Variants in MIS18A observed in about 807,000 individuals in gnomAD.
The protein encoded by MIS18A is MIS18 kinetochore protein A, also known as protein Mis18-alpha.
Under a neutral mutation model 25.0 loss-of-function variants are expected in MIS18A, and 14 were observed. The ratio of observed to expected loss-of-function variants is 0.56; its 90% CI spans 0.37 to 0.88. The LOEUF is 0.88. Ranked by LOEUF, MIS18A falls within the 40% of genes least tolerant of loss-of-function variation. The probability of loss-of-function intolerance (pLI) is 0.00; values close to 1 mark genes in which losing one functional copy is unlikely to be tolerated. For missense variants in MIS18A, 292 were observed against 290.8 expected, an observed-to-expected ratio of 1.00 and a Z score of -0.03; for synonymous variants, 134 against 118.6, an observed-to-expected ratio of 1.13 and a Z score of -0.84.
intron 2 of MIS18A, among the ~76,000 whole-genome samples, chr21:32,273,668 T>C (rs73901368): frequency 0.017 from 2,580 of 152,218 alleles, 60 homozygotes; most frequent in African/African-American, 0.057. Context: ...CCTAATGTGA[T>C]GGTATTGGGA....
At chr21:32,200,663 C>T in the MIS18A span, among the ~76,000 whole-genome samples, 3,979 of 152,076 alleles carry the variant, frequency 0.026, 80 homozygotes, top group Non-Finnish European at 0.04. Flanking sequence ...TGGTCTCGAT[C>T]TCCTGACCTC....
the MIS18A span, among the ~76,000 whole-genome samples, chr21:32,198,906 TA>T: frequency 0.081 from 10,664 of 131,746 alleles, 494 homozygotes; most frequent in South Asian, 0.18. Flanking sequence ...AGGCTCTGTC[TA>T]AAAAAAAAAA....
chr21:32,174,068 G>A, the MIS18A span, among the ~76,000 whole-genome samples: 68 of 142,062 alleles, frequency 4.8e-4, no homozygotes, highest in Non-Finnish European at 5.4e-4. Flanking sequence ...GGGTTCAAGC[G>A]ATTCTCCTAC....
At chr21:32,176,500 A>T in the MIS18A span, among the ~76,000 whole-genome samples, 1 of 152,238 alleles carries the variant, frequency 6.6e-6, no homozygotes, top group Non-Finnish European at 1.5e-5. Context: ...TGTTTAATTT[A>T]AAAAATTCCA....
intron 1 of MIS18A, among the ~76,000 whole-genome samples, chr21:32,275,470 AAAGT>A (rs1197162924): frequency 6.6e-6 from 1 of 152,110 alleles, no homozygotes; most frequent in Non-Finnish European, 1.5e-5. Context: ...CATTTCTCTA[AAAGT>A]AACTGAGAGG....
the MIS18A span, among the ~76,000 whole-genome samples, chr21:32,222,763 T>C: frequency 2.7e-5 from 4 of 150,888 alleles, no homozygotes; most frequent in Non-Finnish European, 5.9e-5. Flanking sequence ...AACCTGTCTC[T>C]AATAAAAATA....
At chr21:32,165,384 A>G in the MIS18A span, among the ~76,000 whole-genome samples, 3 of 151,814 alleles carry the variant, frequency 2.0e-5, no homozygotes, top group African/African-American at 7.2e-5. Context: ...TCAAAACTCA[A>G]TGTCATGAGT....
At chr21:32,167,504 T>C in the MIS18A span, among the ~76,000 whole-genome samples, 2 of 152,302 alleles carry the variant, frequency 1.3e-5, no homozygotes, top group East Asian at 1.9e-4. Context: ...ATGAGGTTAA[T>C]AGTAGATTAA....
chr21:32,192,623 C>A, the MIS18A span, among the ~76,000 whole-genome samples: 3 of 152,232 alleles, frequency 2.0e-5, no homozygotes, highest in Non-Finnish European at 4.4e-5. Flanking sequence ...CCTGACCCTG[C>A]CCTCCAAGAG....
the MIS18A span, among the ~76,000 whole-genome samples, chr21:32,196,350 C>T: frequency 6.6e-6 from 1 of 152,310 alleles, no homozygotes; most frequent in Non-Finnish European, 1.5e-5. Context: ...ACACCATCAG[C>T]TCTACCACCT....
At chr21:32,242,400 A>C in the MIS18A span, among the ~76,000 whole-genome samples, 1 of 151,910 alleles carries the variant, frequency 6.6e-6, no homozygotes, top group Non-Finnish European at 1.5e-5. Context: ...AATATACATC[A>C]TTTTTTTCAT....
the MIS18A span, among the ~76,000 whole-genome samples, chr21:32,253,658 C>T: frequency 5.3e-4 from 80 of 152,170 alleles, no homozygotes; most frequent in African/African-American, 1.9e-3. Flanking sequence ...GCAAGGGTTA[C>T]TTCCCCCTCC....
the MIS18A span, among the ~76,000 whole-genome samples, chr21:32,222,603 C>A: frequency 7.2e-5 from 11 of 152,262 alleles, no homozygotes; most frequent in East Asian, 2.1e-3. Flanking sequence ...TCTCAGACCA[C>A]AGTGCAATCA....
At chr21:32,243,165 G>A in the MIS18A span, among the ~76,000 whole-genome samples, 1 of 152,114 alleles carries the variant, frequency 6.6e-6, no homozygotes, top group Non-Finnish European at 1.5e-5. Context: ...GCAAACACAG[G>A]AGAAAATCTT....
chr21:32,174,936 G>A, the MIS18A span, among the ~76,000 whole-genome samples: 1 of 152,146 alleles, frequency 6.6e-6, no homozygotes, highest in East Asian at 1.9e-4. Context: ...TAAACACTAT[G>A]GAATTAAGCT....
At chr21:32,210,006 C>G in the MIS18A span, among the ~76,000 whole-genome samples, 1 of 152,170 alleles carries the variant, frequency 6.6e-6, no homozygotes, top group African/African-American at 2.4e-5. Flanking sequence ...ATAACATGCT[C>G]AAGGCCAAGA....
the MIS18A span, among the ~76,000 whole-genome samples, chr21:32,259,564 G>A: frequency 6.6e-6 from 1 of 152,136 alleles, no homozygotes; most frequent in Non-Finnish European, 1.5e-5. Flanking sequence ...TATGGATTCC[G>A]CATTCATGAA....
the MIS18A span, among the ~76,000 whole-genome samples, chr21:32,175,646 G>GAAAA: frequency 4.4e-5 from 6 of 135,576 alleles, no homozygotes; most frequent in Admixed American, 7.4e-5. Context: ...GGTCTCTACT[G>GAAAA]AAAAAAAAAA....
the MIS18A span, among the ~76,000 whole-genome samples, chr21:32,176,148 T>C: frequency 1.3e-5 from 2 of 152,308 alleles, no homozygotes; most frequent in African/African-American, 4.8e-5. Context: ...GTAGAATGAG[T>C]ACACTCTAAA....
Sources: gnomAD v4.1 joint callset for allele counts (sites outside exome capture counted in the v4.1 genomes callset) on GRCh38, gnomAD v4.1.1 for gene constraint, MANE v1.5 for transcripts, NCBI Gene and HGNC (gene_info 2026-07-23, HGNC 2026-07-21) for gene names.